Variants in GLCE observed in about 807,000 individuals in gnomAD.
The protein encoded by GLCE is glucuronic acid epimerase.
Under a neutral mutation model 47.9 loss-of-function variants are expected in GLCE, and 19 were observed. The ratio of observed to expected loss-of-function variants is 0.40; its 90% CI spans 0.28 to 0.58. The LOEUF (loss-of-function observed/expected upper bound fraction) is 0.58. GLCE is among the 20% of genes least tolerant of loss of function. GLCE has a pLI of 0.48. For missense variants in GLCE, 556 were observed against 743.3 expected, an observed-to-expected ratio of 0.75 and a Z score of 2.93; for synonymous variants, 245 against 263.4, an observed-to-expected ratio of 0.93 and a Z score of 0.68.
intron 1 of GLCE, among the ~76,000 whole-genome samples, chr15:69,206,210 G>C (rs775248719): frequency 6.6e-5 from 10 of 151,728 alleles, no homozygotes; most frequent in Non-Finnish European, 1.2e-4. Context: ...ATTTGTGTTT[G>C]TCTGATGCTT....
At chr15:69,265,865 C>T (rs534468687) in intron 4 of GLCE, among the ~76,000 whole-genome samples, 3 of 152,258 alleles carry the variant, frequency 2.0e-5, no homozygotes, top group African/African-American at 7.2e-5. Flanking sequence ...ATAATCCCAT[C>T]TGATGAGAAT....
chr15:69,181,379 A>G (rs2051746784), intron 1 of GLCE, among the ~76,000 whole-genome samples: 1 of 152,194 alleles, frequency 6.6e-6, no homozygotes, highest in Admixed American at 6.5e-5. Flanking sequence ...GGTCCAGGAC[A>G]GAGATTTGGA....
intron 1 of GLCE, among the ~76,000 whole-genome samples, chr15:69,172,538 G>A (rs2051603730): frequency 6.6e-6 from 1 of 152,208 alleles, no homozygotes; most frequent in Non-Finnish European, 1.5e-5. Context: ...GTCTCATTAA[G>A]TTATTGTTTT....
intron 1 of GLCE, among the ~76,000 whole-genome samples, chr15:69,178,971 T>C (rs2051712580): frequency 6.6e-6 from 1 of 152,124 alleles, no homozygotes; most frequent in Admixed American, 6.5e-5. Flanking sequence ...CTAAGACACA[T>C]TATTGGGTTA....
chr15:69,248,000 T>C (rs116885448), intron 2 of GLCE, among the ~76,000 whole-genome samples: 3,985 of 152,312 alleles, frequency 0.026, 72 homozygotes, highest in Non-Finnish European at 0.041. Context: ...AGCATGTCCA[T>C]ATATATACCC....
intron 2 of GLCE, among the ~76,000 whole-genome samples, chr15:69,221,352 C>G (rs889837516): frequency 6.6e-6 from 1 of 152,098 alleles, no homozygotes; most frequent in African/African-American, 2.4e-5. Flanking sequence ...GACATTTTAA[C>G]AATATTATGT....
intron 1 of GLCE, among the ~76,000 whole-genome samples, chr15:69,202,431 C>T (rs1161234263): frequency 2.0e-5 from 3 of 152,136 alleles, no homozygotes; most frequent in Non-Finnish European, 4.4e-5. Flanking sequence ...GCTCTCAGAG[C>T]TTCTATCTTC....
chr15:69,205,343 A>G (rs1445095491), intron 1 of GLCE, among the ~76,000 whole-genome samples: 2 of 152,064 alleles, frequency 1.3e-5, no homozygotes, highest in East Asian at 3.9e-4. Flanking sequence ...CCTTTTTATT[A>G]CTGAGTAGTA....
At chr15:69,228,041 T>C (rs922473573) in intron 2 of GLCE, among the ~76,000 whole-genome samples, 6 of 152,228 alleles carry the variant, frequency 3.9e-5, no homozygotes, top group African/African-American at 1.4e-4. Context: ...AAGCCTACTC[T>C]TAAAATAGTA....
rs755045788 is a variant in GLCE at position 69,268,748 on chromosome 15, C to A, written c.1358C>A (p.Thr453Lys). ...ATGGCCCAAGGGCAAGCCATTTCTA[C>A]ATTAGTCAGGGCCTATCTGTTAACA... is the stretch of plus-strand genomic sequence containing the variant. ...SAMAQGQAIS[T>K]LVRAYLLTKD... is the part of the protein sequence containing the mutation. Residue 453 changes from threonine to lysine, a missense_variant, in exon 5 of 5, where the codon ACA becomes AAA. Coordinates refer to ENST00000261858, the MANE Select transcript of GLCE (RefSeq NM_015554.3). 6.2e-7 allele frequency: 1 copy of A among 1,614,200 alleles called. No homozygotes were observed. Among genetic ancestry groups the A allele is most frequent in the Non-Finnish European group, 8.5e-7 (1 of 1,180,010 alleles).
At position 69,237,367 on chromosome 15, in the gene GLCE, G is replaced by T. The variant is rs573417055; in HGVS notation, c.-13-18427G>T. ...CCCAGCACTTTGGGAGGCCAAGGCA[G>T]GTGGATCACCTGAGGTCAGGAGTTC... is the stretch of plus-strand genomic sequence containing the variant. On this transcript the variant is annotated intron_variant, in intron 2 of 4. Transcript: ENST00000261858. Among the ~76,000 whole-genome samples the T allele has an allele frequency of 5.3e-5, 8 of 152,276 alleles. No homozygotes were observed. The East Asian group carries it at 1.5e-3, about 29-fold the overall frequency.
At chr15:69,174,527 T>C (rs1005207801) in intron 1 of GLCE, among the ~76,000 whole-genome samples, 9 of 152,174 alleles carry the variant, frequency 5.9e-5, no homozygotes, top group Non-Finnish European at 1.0e-4. Context: ...GCAGAATCAC[T>C]TGAGCCTGGG....
At chr15:69,240,038 A>T (rs937821023) in intron 2 of GLCE, among the ~76,000 whole-genome samples, 1 of 152,194 alleles carries the variant, frequency 6.6e-6, no homozygotes, top group African/African-American at 2.4e-5. Context: ...GGGCTACAAC[A>T]CAGACATGGC....
At chr15:69,172,839 G>T (rs566340389) in intron 1 of GLCE, among the ~76,000 whole-genome samples, 28 of 152,304 alleles carry the variant, frequency 1.8e-4, no homozygotes, top group African/African-American at 6.5e-4. Flanking sequence ...CACTCTTACT[G>T]CCTTATTTCT....
intron 1 of GLCE, among the ~76,000 whole-genome samples, chr15:69,173,805 A>C (rs2051621785): frequency 6.6e-6 from 1 of 152,234 alleles, no homozygotes; most frequent in African/African-American, 2.4e-5. Flanking sequence ...ATTAGAGAGA[A>C]TGATACCTTC....
At chr15:69,267,788 T>C (rs1403388646) in intron 4 of GLCE, among the ~76,000 whole-genome samples, 1 of 151,510 alleles carries the variant, frequency 6.6e-6, no homozygotes, top group Non-Finnish European at 1.5e-5. Flanking sequence ...AATTCATGTA[T>C]AACCATTTTT....
chr15:69,218,037 G>A lies in GLCE; in HGVS notation c.-14+7631G>A, dbSNP rs990791730. The stretch of plus-strand genomic sequence containing the variant: ...GGCGTGGTGGTGCGCACCTGTAATC[G>A]CAGCTACTTGGGAGGCCAAGGCAGG... On this transcript the variant is annotated intron_variant, in intron 2 of 4. Transcript: ENST00000261858. 9.3e-5 allele frequency among the ~76,000 whole-genome samples: 14 copies of A among 150,856 alleles called. No individual in the cohort carries two copies. The East Asian group carries it at 1.2e-3, about 13-fold the overall frequency.
chr15:69,160,676 G>A lies in GLCE; in HGVS notation c.-186G>A, dbSNP rs574520392. 77 of 153,010 alleles carry A rather than the reference G, an allele frequency of 5.0e-4. No individual in the cohort carries two copies. Among genetic ancestry groups the A allele is most frequent in the Non-Finnish European group, 1.0e-3 (70 of 68,264 alleles). The allele number at this position is 153,010 out of a possible 1,614,324, so 9.5% of individuals were successfully genotyped here. ...GCCGAGAGGCTGGAGCTGCGGCACC[G>A]CAGGCCTGAGCCACCCCTTCTCTGC... On this transcript the variant is annotated 5_prime_UTR_variant, in exon 1 of 5. Coordinates refer to ENST00000261858, the MANE Select transcript of GLCE (RefSeq NM_015554.3). The surrounding 1 kb of genome is among the most constrained non-coding windows in gnomAD (Gnocchi z 4.2).
rs550265599 is a variant in GLCE at position 69,252,931 on chromosome 15, T to G, written c.-13-2863T>G. Among the ~76,000 whole-genome samples the G allele has an allele frequency of 2.6e-4, 40 of 152,300 alleles. No individual in the cohort carries two copies. In the South Asian group the frequency reaches 5.0e-3, roughly 19 times the overall value. On this transcript the variant is annotated intron_variant, in intron 2 of 4. Coordinates refer to ENST00000261858, the MANE Select transcript of GLCE (RefSeq NM_015554.3). ...ATGAATTATTCTCAGTTAATAGGGTTAAAAATGTATTATTGGGTTTCCACT... is the reference window on the plus strand; with the variant it reads ...ATGAATTATTCTCAGTTAATAGGGTGAAAAATGTATTATTGGGTTTCCACT...
Sources: allele counts gnomAD v4.1 joint callset (sites outside exome capture counted in the v4.1 genomes callset), GRCh38; gene constraint gnomAD v4.1.1; non-coding constraint Gnocchi (gnomAD v3.1); transcripts MANE v1.5; gene names NCBI Gene and HGNC (gene_info 2026-07-23, HGNC 2026-07-21).